Variants in BICDL1 observed in about 807,000 individuals in gnomAD.
The protein encoded by BICDL1 is BICD family-like cargo adapter 1.
A neutral mutation model predicts 76.8 loss-of-function variants in BICDL1; 20 were observed. The ratio of observed to expected loss-of-function variants is 0.26; its 90% CI spans 0.18 to 0.38. The LOEUF (loss-of-function observed/expected upper bound fraction) is 0.38. BICDL1 is among the 10% of genes least tolerant of loss of function. The pLI, the probability that BICDL1 is intolerant of heterozygous loss-of-function variation, is 1.00. For synonymous variants in BICDL1, 383 were observed against 337.1 expected (o/e 1.14, Z -1.49); for missense variants, 700 against 798.6 (o/e 0.88, Z 1.49).
chr12:120,068,977 C>A (rs1594194428), intron 4 of BICDL1, among the ~76,000 whole-genome samples: 3 of 152,212 alleles, frequency 2.0e-5, no homozygotes, highest in African/African-American at 7.2e-5. Context: ...AAGAGCACTG[C>A]CCACAATTCC....
At chr12:120,042,910 G>A (rs2138816051) in intron 2 of BICDL1, among the ~76,000 whole-genome samples, 1 of 152,214 alleles carries the variant, frequency 6.6e-6, no homozygotes, top group Middle Eastern at 3.4e-3. Flanking sequence ...AGAAGTGCCA[G>A]CCTGGTGTCT....
intron 2 of BICDL1, among the ~76,000 whole-genome samples, chr12:120,035,339 A>G (rs1002494230): frequency 6.6e-6 from 1 of 152,218 alleles, no homozygotes; most frequent in African/African-American, 2.4e-5. Flanking sequence ...CCATCTCAAT[A>G]AATAAATAAA....
intron 9 of BICDL1, chr12:120,091,374 C>G: frequency 9.9e-7 from 1 of 1,011,490 alleles, no homozygotes; most frequent in Non-Finnish European, 1.2e-6. Flanking sequence ...TTTCAGTGTG[C>G]CAAACAAAAC....
chr12:120,093,093 G>A lies in BICDL1; in HGVS notation c.1798G>A (p.Ala600Thr), dbSNP rs761777351. Residue 600 changes from alanine (A) to threonine (T), a missense_variant, in exon 10 of 10, where the codon GCT (alanine) becomes ACT (threonine). Ala to Thr is a moderately conservative substitution (Grantham distance 58, BLOSUM62 0). Coordinates refer to ENST00000548673, the MANE Select transcript of BICDL1 (RefSeq NM_001367886.1). ...PAAALCRGHS[A>T]GRGDEPSIAE... ...TGCTGCCCTCTGCAGGGGCCACAGCGCTGGGCGGGGGGATGAGCCCAGCAT... is the reference window on the plus strand; with the variant it reads ...TGCTGCCCTCTGCAGGGGCCACAGCACTGGGCGGGGGGATGAGCCCAGCAT... 1.4e-5 allele frequency: 22 copies of A among 1,612,626 alleles called. No homozygotes were observed. The highest frequency in any genetic ancestry group is 1.1e-4 in the South Asian group (10 of 90,954).
intron 1 of BICDL1, among the ~76,000 whole-genome samples, chr12:119,993,743 C>T (rs1291593955): frequency 6.6e-6 from 1 of 152,002 alleles, no homozygotes. Flanking sequence ...CTCAGCCTTC[C>T]GAGTAGCTGG....
At chr12:120,070,229 C>T (rs559008842) in intron 4 of BICDL1, among the ~76,000 whole-genome samples, 1 of 152,332 alleles carries the variant, frequency 6.6e-6, no homozygotes, top group East Asian at 1.9e-4. Context: ...ACATTTTCTA[C>T]TCCCACCAGC....
At chr12:120,091,500 AC>A in intron 9 of BICDL1, 1 of 987,124 alleles carries the variant, frequency 1.0e-6, no homozygotes, top group Non-Finnish European at 1.2e-6. Flanking sequence ...AGGATCATAT[AC>A]TAGACCCTTA....
chr12:119,990,836 C>T (rs1951506067), intron 1 of BICDL1, among the ~76,000 whole-genome samples: 1 of 152,168 alleles, frequency 6.6e-6, no homozygotes, highest in Non-Finnish European at 1.5e-5. Context: ...GGTTCCATTG[C>T]AGAAATCAGG....
intron 2 of BICDL1, among the ~76,000 whole-genome samples, chr12:119,999,361 T>G (rs988494249): frequency 6.6e-6 from 1 of 152,246 alleles, no homozygotes; most frequent in African/African-American, 2.4e-5. Context: ...TTACTTTACC[T>G]ATGAAAGTCT....
At chr12:120,027,689 G>A (rs1403603519) in intron 2 of BICDL1, among the ~76,000 whole-genome samples, 1 of 152,166 alleles carries the variant, frequency 6.6e-6, no homozygotes, top group Non-Finnish European at 1.5e-5. Flanking sequence ...CACTCTGCAG[G>A]TGATGATGAA....
chr12:120,089,829 A>G (rs1874809649), intron 8 of BICDL1, 122 bp from the exon 9 acceptor site: 10 of 1,150,908 alleles, frequency 8.7e-6, no homozygotes, highest in Admixed American at 2.3e-5. Flanking sequence ...TGCAGCTGCT[A>G]TTTGTTGTGA....
intron 5 of BICDL1, 62 bp from the exon 6 acceptor site, chr12:120,072,449 A>G: frequency 1.3e-6 from 2 of 1,515,380 alleles, no homozygotes; most frequent in Non-Finnish European, 1.8e-6. Context: ...GAGCTAGAAA[A>G]AGATGGCCAG....
At chr12:120,004,301 C>G (rs541064938) in intron 2 of BICDL1, among the ~76,000 whole-genome samples, 1 of 152,258 alleles carries the variant, frequency 6.6e-6, no homozygotes, top group South Asian at 2.1e-4. Flanking sequence ...TTTCTCACAT[C>G]CAGAATTGGG....
chr12:120,050,018 A>G (rs1450882494), intron 2 of BICDL1, among the ~76,000 whole-genome samples: 1 of 152,190 alleles, frequency 6.6e-6, no homozygotes, highest in Non-Finnish European at 1.5e-5. Context: ...ATGTAGTGGT[A>G]TCTCATTGTG....
intron 2 of BICDL1, among the ~76,000 whole-genome samples, chr12:120,050,671 T>C (rs566560361): frequency 1.3e-5 from 2 of 152,182 alleles, no homozygotes; most frequent in South Asian, 4.2e-4. Flanking sequence ...AGACAGAGTC[T>C]TACTCTGTTG....
intron 2 of BICDL1, among the ~76,000 whole-genome samples, chr12:120,055,565 AAG>A (rs1952955609): frequency 6.6e-6 from 1 of 152,338 alleles, no homozygotes; most frequent in South Asian, 2.1e-4. Context: ...AAATTATAAA[AAG>A]AGTTTATTTC....
chr12:120,090,777 G>A (rs1874888971), intron 9 of BICDL1: 1 of 737,252 alleles, frequency 1.4e-6, no homozygotes, highest in African/African-American at 1.8e-5. Context: ...TTCCTCCCAG[G>A]GCCCCATGGG....
At chr12:120,021,959 T>G (rs1952193559) in intron 2 of BICDL1, among the ~76,000 whole-genome samples, 1 of 147,202 alleles carries the variant, frequency 6.8e-6, no homozygotes, top group Non-Finnish European at 1.5e-5. Flanking sequence ...AAAAATAAAA[T>G]AAAATATAAA....
At chr12:120,089,277 T>TGTGG (rs1204685085) in intron 8 of BICDL1, among the ~76,000 whole-genome samples, 1 of 139,240 alleles carries the variant, frequency 7.2e-6, no homozygotes, top group African/African-American at 3.1e-5. Flanking sequence ...TCAACGTGTG[T>TGTGG]GTGTGTGTGT....
Sources: gnomAD v4.1 joint callset for allele counts (sites outside exome capture counted in the v4.1 genomes callset) on GRCh38, gnomAD v4.1.1 for gene constraint, MANE v1.5 for transcripts, NCBI Gene and HGNC (gene_info 2026-07-23, HGNC 2026-07-21) for gene names.